STN1: variants seen among roughly 807,000 people sequenced by gnomAD.
STN1 encodes CST complex subunit STN1.
In STN1, 29 loss-of-function variants were observed where a neutral mutation model predicts 45.5. The observed-to-expected ratio is 0.64, with a 90% CI of 0.47 to 0.87. STN1 has a LOEUF of 0.87. STN1 is among the 40% of genes least tolerant of loss of function. STN1 has a pLI of 0.00. For synonymous variants in STN1, 148 were observed against 159.0 expected (o/e 0.93, Z 0.52); for missense variants, 376 against 441.4 (o/e 0.85, Z 1.33).
chr10:103,895,730 A>C (rs917502283), intron 7 of STN1, among the ~76,000 whole-genome samples: 2 of 152,216 alleles, frequency 1.3e-5, no homozygotes, highest in Non-Finnish European at 2.9e-5. Flanking sequence ...GGAAGTCAGG[A>C]TGTGACTCAG....
chr10:103,891,577 T>A (rs1027484707), intron 8 of STN1, among the ~76,000 whole-genome samples: 1 of 152,214 alleles, frequency 6.6e-6, no homozygotes, highest in African/African-American at 2.4e-5. Context: ...AGTGTTCAGA[T>A]TGAGAAGTGT....
intron 2 of STN1, among the ~76,000 whole-genome samples, chr10:103,915,398 G>A: frequency 6.6e-6 from 1 of 152,072 alleles, no homozygotes; most frequent in East Asian, 1.9e-4. Context: ...ACTATCTAGG[G>A]ATCCAGCATG....
chr10:103,912,002 C>T (rs1194228303), intron 2 of STN1, among the ~76,000 whole-genome samples: 1 of 152,098 alleles, frequency 6.6e-6, no homozygotes, highest in African/African-American at 2.4e-5. Flanking sequence ...AGACCCTCTC[C>T]CTCCACAGAG....
intron 8 of STN1, 99 bp downstream of exon 8, chr10:103,892,031 T>C: frequency 9.8e-7 from 1 of 1,016,400 alleles, no homozygotes. Context: ...ATGTACCTCC[T>C]TAATGATTTT....
At position 103,880,273 on chromosome 10, in the gene STN1, G is replaced by T. The variant is rs958790942; in HGVS notation, c.*2411C>A. On this transcript the variant is annotated 3_prime_UTR_variant, in exon 10 of 10. Transcript: ENST00000224950. ...CTGGGTCTTTTTATGGGCTCAGAAT[G>T]GGGGGAGGGGCAGGCTGTAGGTATT... Among the ~76,000 whole-genome samples, 1 of 152,200 alleles carries T rather than the reference G, an allele frequency of 6.6e-6. No individual in the cohort carries two copies. Among genetic ancestry groups the T allele is most frequent in the Non-Finnish European group, 1.5e-5 (1 of 68,020 alleles).
chr10:103,901,790 A>G (rs1843211470), intron 4 of STN1, among the ~76,000 whole-genome samples: 2 of 152,224 alleles, frequency 1.3e-5, no homozygotes, highest in South Asian at 4.1e-4. Context: ...TGGATAAAAA[A>G]TTACAAACTG....
Position 103,881,988 on chromosome 10 carries a change from G to A in STN1, c.*696C>T, listed in dbSNP as rs1463623203. The stretch of plus-strand genomic sequence containing the variant: ...GGGGCATCGAGGGACAATGTATTTA[G>A]TCATGCACCTCTGTAAGTGCAGGGA... On this transcript the variant is annotated 3_prime_UTR_variant, in exon 10 of 10. Transcript: ENST00000224950. 6.6e-6 allele frequency among the ~76,000 whole-genome samples: 1 copy of A among 152,216 alleles called. No homozygotes were observed. The highest frequency in any genetic ancestry group is 2.4e-5 in the African/African-American group (1 of 41,456).
rs1056327509 is a variant in STN1 at position 103,881,945 on chromosome 10, C to G, written c.*739G>C. Among the ~76,000 whole-genome samples, 1 of 152,234 alleles carries G rather than the reference C, an allele frequency of 6.6e-6. No homozygotes were observed. The highest frequency in any genetic ancestry group is 1.5e-5 in the Non-Finnish European group (1 of 68,048). On this transcript the variant is annotated 3_prime_UTR_variant, in exon 10 of 10. Coordinates refer to ENST00000224950, the MANE Select transcript of STN1 (RefSeq NM_024928.5). Reference sequence around the variant, plus strand: ...TACCACCTGCCAGGCAATTGGCTGACTGCCTCCGTGATCTTCAGGGGCATC... The same window carrying G: ...TACCACCTGCCAGGCAATTGGCTGAGTGCCTCCGTGATCTTCAGGGGCATC...
intron 2 of STN1, among the ~76,000 whole-genome samples, chr10:103,912,887 T>G (rs1843300633): frequency 6.6e-6 from 1 of 152,188 alleles, no homozygotes; most frequent in Non-Finnish European, 1.5e-5. Context: ...AGACAGACAC[T>G]CCACAGGGTC....
chr10:103,905,328 G>A (rs1192764342), intron 3 of STN1, among the ~76,000 whole-genome samples, 172 bp from the exon 4 acceptor site: 2 of 152,246 alleles, frequency 1.3e-5, no homozygotes, highest in East Asian at 1.9e-4. Flanking sequence ...CTACATACGA[G>A]TATAAACTGC....
At chr10:103,911,015 T>TC (rs1196295283) in intron 2 of STN1, among the ~76,000 whole-genome samples, 1 of 3,940 alleles carries the variant, frequency 2.5e-4, no homozygotes, top group Non-Finnish European at 0.025. Flanking sequence ...CTTCTTTGGC[T>TC]TTTTTTTTTT....
chr10:103,888,128 G>A (rs1843115975), intron 9 of STN1, among the ~76,000 whole-genome samples: 1 of 152,196 alleles, frequency 6.6e-6, no homozygotes, highest in South Asian at 2.1e-4. Context: ...ACCACTCTGG[G>A]ATCCGACCTC....
intron 4 of STN1, among the ~76,000 whole-genome samples, chr10:103,903,716 T>A (rs192728554): frequency 5.3e-5 from 8 of 152,294 alleles, no homozygotes; most frequent in Admixed American, 5.2e-4. Flanking sequence ...GAGAAATAAA[T>A]TTCTTTCTTT....
At chr10:103,909,470 GTATA>G (rs1564635097) in intron 3 of STN1, among the ~76,000 whole-genome samples, 20 of 105,294 alleles carry the variant, frequency 1.9e-4, no homozygotes, top group South Asian at 2.9e-4. Flanking sequence ...GTATATATAT[GTATA>G]TATGTATATA....
chr10:103,917,187 AT>A (rs1843338492), intron 2 of STN1, among the ~76,000 whole-genome samples: 1 of 150,232 alleles, frequency 6.7e-6, no homozygotes, highest in Non-Finnish European at 1.5e-5. Context: ...ACAAATGAGC[AT>A]TTTTAAGCAT....
chr10:103,905,073 T>G lies in STN1; in HGVS notation c.295+18A>C. 6.2e-7 allele frequency: 1 copy of G among 1,607,846 alleles called. No individual in the cohort carries two copies. The highest frequency in any genetic ancestry group is 8.5e-7 in the Non-Finnish European group (1 of 1,174,310). Reference sequence around the variant, plus strand: ...ATTAGTTAGGTGAAAAGTAAAGGAATGTGGCAAATAAAATTACCTGATACA... The same window carrying G: ...ATTAGTTAGGTGAAAAGTAAAGGAAGGTGGCAAATAAAATTACCTGATACA... On this transcript the variant is annotated intron_variant, in intron 4 of 9. Transcript: ENST00000224950.
chr10:103,878,853 G>C lies in STN1; in HGVS notation c.*3831C>G, dbSNP rs1475891830. ...AGCAAGAAATGCATCTGGGAGGTCA[G>C]CATGTGGTAAAGGGGAGCGGGGAAG... On this transcript the variant is annotated 3_prime_UTR_variant, in exon 10 of 10. Coordinates refer to ENST00000224950, the MANE Select transcript of STN1 (RefSeq NM_024928.5). The C allele has an allele frequency of 6.6e-6, 1 of 152,460 alleles. No homozygotes were observed. Among genetic ancestry groups the C allele is most frequent in the Admixed American group, 6.5e-5 (1 of 15,286 alleles). 9.4% of individuals were successfully genotyped at this position (152,460 alleles called of 1,614,324 possible). A position where few individuals can be genotyped will look rare whatever the true frequency, so the allele number is the denominator to read the frequency against.
At chr10:103,897,507 G>C (rs893252032) in intron 7 of STN1, 41 bp downstream of exon 7, 39 of 1,578,348 alleles carry the variant, frequency 2.5e-5, no homozygotes, top group Non-Finnish European at 3.3e-5. Flanking sequence ...GCAGATCTGG[G>C]GCAGGGAACC....
chr10:103,901,594 T>C (rs776379987), intron 4 of STN1, among the ~76,000 whole-genome samples: 11 of 152,240 alleles, frequency 7.2e-5, no homozygotes, highest in Admixed American at 1.3e-4. Context: ...GAAATGGATA[T>C]AACAGTAGAG....
Sources: allele counts gnomAD v4.1 joint callset (sites outside exome capture counted in the v4.1 genomes callset), GRCh38; gene constraint gnomAD v4.1.1; transcripts MANE v1.5; gene names NCBI Gene and HGNC (gene_info 2026-07-23, HGNC 2026-07-21).